KLRD1: variants seen among roughly 807,000 people sequenced by gnomAD.
KLRD1 encodes natural killer cells antigen CD94.
KLRD1 carries 21 observed loss-of-function variants against 22.6 expected under a neutral mutation model. That is an observed-to-expected ratio of 0.93 (90% CI 0.66 to 1.34). KLRD1 has a LOEUF of 1.34. KLRD1 is among the 40% of genes most tolerant of loss of function. The probability of loss-of-function intolerance (pLI) is 0.00; values close to 1 mark genes in which losing one functional copy is unlikely to be tolerated. For synonymous variants in KLRD1, 59 were observed against 71.1 expected, an observed-to-expected ratio of 0.83 and a Z score of 0.85; for missense variants, 183 against 208.6, an observed-to-expected ratio of 0.88 and a Z score of 0.76.
intron 1 of KLRD1, among the ~76,000 whole-genome samples, chr12:10,286,662 CTTTTTTTTTT>C (rs747241701): frequency 9.1e-5 from 5 of 54,798 alleles, no homozygotes; most frequent in African/African-American, 1.5e-4. Flanking sequence ...GCTTATGGTG[CTTTTTTTTTT>C]TTTTTTTTTT....
chr12:10,256,011 A>G (rs1377178671), intron 1 of KLRD1, among the ~76,000 whole-genome samples: 1 of 152,104 alleles, frequency 6.6e-6, no homozygotes, highest in Non-Finnish European at 1.5e-5. Flanking sequence ...TCTGATATTT[A>G]GTGCCTATAT....
intron 1 of KLRD1, among the ~76,000 whole-genome samples, chr12:10,284,756 G>A (rs1333963063): frequency 1.3e-5 from 2 of 152,084 alleles, no homozygotes; most frequent in South Asian, 2.1e-4. Context: ...AGGCCAAGGC[G>A]GGCAGATCAC....
At chr12:10,297,990 C>CA (rs1335754432) in intron 1 of KLRD1, among the ~76,000 whole-genome samples, 28 of 152,308 alleles carry the variant, frequency 1.8e-4, no homozygotes, top group African/African-American at 6.7e-4. Context: ...ATCCAGAAAA[C>CA]ACTTTCTCCA....
At chr12:10,241,714 G>A (rs1369658962) in intron 1 of KLRD1, among the ~76,000 whole-genome samples, 1 of 152,038 alleles carries the variant, frequency 6.6e-6, no homozygotes, top group Non-Finnish European at 1.5e-5. Flanking sequence ...TCAGGAGAAG[G>A]TTAAGGCTGA....
chr12:10,250,105 G>C (rs1949330985), intron 1 of KLRD1, among the ~76,000 whole-genome samples: 1 of 151,616 alleles, frequency 6.6e-6, no homozygotes, highest in Non-Finnish European at 1.5e-5. Flanking sequence ...CTATCCTGGT[G>C]CGTTAGGCTG....
intron 5 of KLRD1, 109 bp downstream of exon 5, chr12:10,313,622 G>C (rs919696152): frequency 3.4e-5 from 19 of 556,340 alleles, no homozygotes; most frequent in African/African-American, 3.1e-4. Context: ...CCTTGTCTAG[G>C]GCATGAGAAT....
At chr12:10,261,134 C>T (rs2137630928) in intron 1 of KLRD1, among the ~76,000 whole-genome samples, 1 of 152,186 alleles carries the variant, frequency 6.6e-6, no homozygotes, top group East Asian at 1.9e-4. Flanking sequence ...GAGAGTAATG[C>T]AATTGGAAGA....
intron 1 of KLRD1, among the ~76,000 whole-genome samples, chr12:10,268,397 G>A (rs564850807): frequency 6.6e-6 from 1 of 152,250 alleles, no homozygotes; most frequent in South Asian, 2.1e-4. Flanking sequence ...TGAAAGTAAT[G>A]TACCAGGCGT....
intron 1 of KLRD1, among the ~76,000 whole-genome samples, chr12:10,279,311 C>A (rs1235451229): frequency 6.6e-6 from 1 of 152,148 alleles, no homozygotes; most frequent in Admixed American, 6.5e-5. Context: ...CATGTTGCTG[C>A]AAAAGACATG....
intron 1 of KLRD1, among the ~76,000 whole-genome samples, chr12:10,287,030 G>T (rs1290757208): frequency 6.6e-6 from 1 of 152,156 alleles, no homozygotes; most frequent in Non-Finnish European, 1.5e-5. Context: ...CAGCTACTCA[G>T]GAGGCTGAGG....
rs181003422 is a variant in KLRD1, at chr12:10,250,022, T to G, written c.-101+23789T>G. 1.4e-3 allele frequency among the ~76,000 whole-genome samples: 209 copies of G among 152,296 alleles called. 1 individual carries two copies. The highest frequency in any genetic ancestry group is 4.7e-3 in the African/African-American group (196 of 41,546). On this transcript the variant is annotated intron_variant, in intron 1 of 5. Coordinates refer to the KLRD1 transcript ENST00000544747. ...TCTCGAAGACCATTAGGATCACTTG[T>G]TGTACATACGTTGTCCGTCATGCTC...
At chr12:10,248,666 C>T (rs1218166783) in intron 1 of KLRD1, among the ~76,000 whole-genome samples, 21 of 145,760 alleles carry the variant, frequency 1.4e-4, no homozygotes, top group Non-Finnish European at 2.7e-4. Flanking sequence ...GGCGTGATCT[C>T]GGCTCACTGC....
At chr12:10,249,396 A>G (rs912623720) in intron 1 of KLRD1, among the ~76,000 whole-genome samples, 1 of 152,232 alleles carries the variant, frequency 6.6e-6, no homozygotes. Flanking sequence ...ATGCTTTCTC[A>G]TTCAATCCCT....
chr12:10,307,783 A>G (rs1390099801), upstream of KLRD1: 2 of 309,496 alleles, frequency 6.5e-6, no homozygotes, highest in African/African-American at 4.3e-5. Flanking sequence ...GTCCTTGCCA[A>G]AGTGTTAATA....
intron 1 of KLRD1, among the ~76,000 whole-genome samples, chr12:10,293,672 G>C (rs1360345805): frequency 6.6e-6 from 1 of 152,118 alleles, no homozygotes. Context: ...GTGAGGCAGA[G>C]ACAGGAAGTG....
intron 4 of KLRD1, among the ~76,000 whole-genome samples, chr12:10,312,946 C>A (rs1208436202): frequency 3.3e-5 from 5 of 151,574 alleles, no homozygotes; most frequent in African/African-American, 1.2e-4. Flanking sequence ...GAGATCGTCC[C>A]ACTGCACTCC....
chr12:10,258,938 A>T (rs1050779512), intron 1 of KLRD1, among the ~76,000 whole-genome samples: 5 of 152,240 alleles, frequency 3.3e-5, no homozygotes, highest in Admixed American at 3.3e-4. Context: ...AAGAAGCCAA[A>T]GAAACTTAGA....
intron 3 of KLRD1, among the ~76,000 whole-genome samples, chr12:10,310,145 C>T (rs1950025906): frequency 6.6e-6 from 1 of 152,184 alleles, no homozygotes; most frequent in Non-Finnish European, 1.5e-5. Context: ...GAGTTTTGCT[C>T]TTGTCGTCCA....
At chr12:10,288,723 A>G (rs1484904044) in intron 1 of KLRD1, among the ~76,000 whole-genome samples, 1 of 152,246 alleles carries the variant, frequency 6.6e-6, no homozygotes, top group Admixed American at 6.5e-5. Flanking sequence ...TAATCATTAA[A>G]TATCAATTAT....
Sources: allele counts gnomAD v4.1 joint callset (sites outside exome capture counted in the v4.1 genomes callset), GRCh38; gene constraint gnomAD v4.1.1; transcripts MANE v1.5; gene names NCBI Gene and HGNC (gene_info 2026-07-23, HGNC 2026-07-21).